The following DCC variants were observed in gnomAD, a reference collection of about 807,000 sequenced individuals.
DCC encodes the protein DCC netrin 1 receptor.
Under a neutral mutation model 172.5 loss-of-function variants are expected in DCC, and 58 were observed. The ratio of observed to expected loss-of-function variants is 0.34; its 90% CI spans 0.27 to 0.42. The LOEUF is 0.42. Among genes scored for constraint, DCC ranks in the 10% least tolerant of loss-of-function variants. The pLI, the probability that DCC is intolerant of heterozygous loss-of-function variation, is 1.00. For synonymous variants in DCC, 709 were observed against 644.5 expected (o/e 1.10, Z -1.52); for missense variants, 1,740 against 1,791.0 (o/e 0.97, Z 0.51).
At position 53,121,793 on chromosome 18, in the gene DCC, AC is replaced by A. The variant is rs1218299095; in HGVS notation, c.1262-35562del. Among the ~76,000 whole-genome samples the A allele has an allele frequency of 3.3e-5, 5 of 151,946 alleles. No homozygotes were observed. The East Asian group carries it at 9.7e-4, about 29-fold the overall frequency. The stretch of plus-strand genomic sequence containing the variant: ...GTACATATTTTATGATTAAAAAATT[AC>A]AAACCAGAGAAGTTAAGTAACTTCC... On this transcript the variant is annotated intron_variant, in intron 7 of 28. Transcript: ENST00000442544.
chr18:53,226,270 G>A (rs1430737811), intron 12 of DCC, among the ~76,000 whole-genome samples: 1 of 152,126 alleles, frequency 6.6e-6, no homozygotes, highest in South Asian at 2.1e-4. Context: ...CCCAGACAAA[G>A]GTAAGGTCTA....
chr18:53,020,723 A>G (rs1305336668), intron 5 of DCC, among the ~76,000 whole-genome samples: 3 of 152,154 alleles, frequency 2.0e-5, no homozygotes. Context: ...CATATTTCCC[A>G]TTTAGAAGGG....
chr18:52,760,082 C>A (rs1388272900), intron 2 of DCC, among the ~76,000 whole-genome samples: 2 of 152,134 alleles, frequency 1.3e-5, no homozygotes, highest in African/African-American at 2.4e-5. Context: ...TAAAGAACTG[C>A]CCAAGACTGG....
chr18:53,262,570 C>T (rs532042905), intron 12 of DCC, among the ~76,000 whole-genome samples: 1 of 152,230 alleles, frequency 6.6e-6, no homozygotes, highest in Non-Finnish European at 1.5e-5. Context: ...CATAGTTCCT[C>T]AGAAAGGTGA....
At chr18:53,310,991 G>GACACAC (rs5825008) in intron 13 of DCC, among the ~76,000 whole-genome samples, 14,678 of 145,708 alleles carry the variant, frequency 0.1, 823 homozygotes, top group Middle Eastern at 0.17. Flanking sequence ...AAGCATCTAG[G>GACACAC]ACACACACAC....
intron 2 of DCC, among the ~76,000 whole-genome samples, chr18:52,800,883 G>A (rs1483782604): frequency 5.3e-5 from 8 of 152,114 alleles, no homozygotes; most frequent in Non-Finnish European, 1.2e-4. Flanking sequence ...AATTCTACTG[G>A]TCTGGGCCAG....
intron 1 of DCC, among the ~76,000 whole-genome samples, chr18:52,341,641 G>A (rs1409659241): frequency 1.1e-5 from 1 of 94,368 alleles, no homozygotes; most frequent in East Asian, 2.9e-4. Flanking sequence ...TGGCAAAACT[G>A]TTTGGGGATT....
intron 13 of DCC, among the ~76,000 whole-genome samples, chr18:53,321,263 TTTAGTC>T (rs1448361408): frequency 6.6e-6 from 1 of 152,224 alleles, no homozygotes; most frequent in Non-Finnish European, 1.5e-5. Context: ...GACTTGATCA[TTTAGTC>T]TGAGTCTCAA....
intron 1 of DCC, among the ~76,000 whole-genome samples, chr18:52,452,570 G>A (rs1296094492): frequency 2.6e-5 from 4 of 152,156 alleles, no homozygotes; most frequent in South Asian, 2.1e-4. Flanking sequence ...CTGGAGCAGA[G>A]CATCACTGTT....
intron 14 of DCC, among the ~76,000 whole-genome samples, chr18:53,334,210 C>G (rs1430412891): frequency 6.6e-6 from 1 of 152,130 alleles, no homozygotes; most frequent in Non-Finnish European, 1.5e-5. Flanking sequence ...CTTTTTCACC[C>G]AGAAAAATAG....
chr18:53,415,336 A>T (rs1910246558), intron 20 of DCC, among the ~76,000 whole-genome samples: 1 of 152,144 alleles, frequency 6.6e-6, no homozygotes, highest in Non-Finnish European at 1.5e-5. Flanking sequence ...AAAAGACTCA[A>T]AGCTCAAAGA....
At chr18:52,985,640 C>T (rs1208967934) in intron 5 of DCC, among the ~76,000 whole-genome samples, 1 of 151,902 alleles carries the variant, frequency 6.6e-6, no homozygotes, top group Non-Finnish European at 1.5e-5. Flanking sequence ...TTTTCTTTTA[C>T]TTTTTTCAGC....
At chr18:53,333,750 A>C (rs2057559451) in intron 14 of DCC, among the ~76,000 whole-genome samples, 1 of 152,168 alleles carries the variant, frequency 6.6e-6, no homozygotes, top group Admixed American at 6.6e-5. Context: ...ACATGATCTT[A>C]ATTGCAGTTT....
intron 25 of DCC, among the ~76,000 whole-genome samples, chr18:53,479,941 A>G (rs1274113068): frequency 6.6e-6 from 1 of 152,130 alleles, no homozygotes; most frequent in Admixed American, 6.6e-5. Context: ...TGGATTCACA[A>G]TTTGTTGTGG....
chr18:53,486,668 A>C, intron 25 of DCC, 129 bp from the exon 26 acceptor site: 2 of 1,243,050 alleles, frequency 1.6e-6, no homozygotes, highest in Middle Eastern at 5.0e-4. Context: ...AGAGGTAAGT[A>C]AGGGAACCTA....
intron 5 of DCC, among the ~76,000 whole-genome samples, chr18:52,977,919 A>G (rs2041149262): frequency 6.6e-6 from 1 of 151,678 alleles, no homozygotes; most frequent in Non-Finnish European, 1.5e-5. Flanking sequence ...AAAAAGAAAA[A>G]AAAAGCATAT....
chr18:52,359,655 G>T (rs1265822209), intron 1 of DCC, among the ~76,000 whole-genome samples: 1 of 152,290 alleles, frequency 6.6e-6, no homozygotes, highest in African/African-American at 2.4e-5. Flanking sequence ...ATGAGGAGAA[G>T]CTTGAGTCCA....
At chr18:52,887,535 C>A (rs546053751) in intron 2 of DCC, among the ~76,000 whole-genome samples, 1 of 152,160 alleles carries the variant, frequency 6.6e-6, no homozygotes, top group African/African-American at 2.4e-5. Flanking sequence ...ATCTTGTCCA[C>A]GATGATAGAA....
chr18:53,446,258 C>T (rs1912605691), intron 22 of DCC, among the ~76,000 whole-genome samples: 1 of 152,006 alleles, frequency 6.6e-6, no homozygotes, highest in Admixed American at 6.6e-5. Flanking sequence ...TGCACTCCAG[C>T]AGTAGTCACA....
Sources: gnomAD v4.1 joint callset for allele counts (sites outside exome capture counted in the v4.1 genomes callset) on GRCh38, gnomAD v4.1.1 for gene constraint, MANE v1.5 for transcripts, NCBI Gene and HGNC (gene_info 2026-07-23, HGNC 2026-07-21) for gene names.